The following ENPP2 variants were observed in gnomAD, a reference collection of about 807,000 sequenced individuals.
ENPP2 encodes autotaxin.
In ENPP2, 51 loss-of-function variants were observed where a neutral mutation model predicts 120.2. The ratio of observed to expected loss-of-function variants is 0.42; its 90% CI spans 0.34 to 0.54. The LOEUF (loss-of-function observed/expected upper bound fraction) is 0.54. ENPP2 is among the 20% of genes least tolerant of loss of function. ENPP2 has a pLI of 0.04. For missense variants in ENPP2, 920 were observed against 1,066.5 expected (o/e 0.86, Z 1.91); for synonymous variants, 365 against 366.4 (o/e 1.00, Z 0.04).
chr8:119,567,347 G>C (rs954577360), intron 22 of ENPP2, among the ~76,000 whole-genome samples: 2 of 152,158 alleles, frequency 1.3e-5, no homozygotes, highest in East Asian at 3.9e-4. Flanking sequence ...CAGTGCTTTC[G>C]ACATTGGATA....
At chr8:119,573,540 T>C (rs114983633) in intron 19 of ENPP2, among the ~76,000 whole-genome samples, 313 of 152,210 alleles carry the variant, frequency 2.1e-3, no homozygotes, top group African/African-American at 7.3e-3. Flanking sequence ...TGGCCAGGCA[T>C]AGTGGCTCAC....
chr8:119,651,753 G>A (rs971520709), intron 1 of ENPP2, among the ~76,000 whole-genome samples: 7 of 152,146 alleles, frequency 4.6e-5, no homozygotes, highest in Admixed American at 1.3e-4. Flanking sequence ...AAAGTGACCA[G>A]AACCTTGGGC....
chr8:119,618,602 C>A (rs968226710), intron 5 of ENPP2: 1 of 266,854 alleles, frequency 3.7e-6, no homozygotes, highest in African/African-American at 2.3e-5. Context: ...TCCAGTGGCA[C>A]AATCTGGGCT....
intron 8 of ENPP2, among the ~76,000 whole-genome samples, chr8:119,615,210 G>C (rs1421354673): frequency 3.9e-5 from 6 of 152,180 alleles, no homozygotes; most frequent in African/African-American, 1.4e-4. Context: ...TGCCACGGTT[G>C]AGTGCACAAA....
At chr8:119,591,603 A>G (rs1563705758) in intron 12 of ENPP2, among the ~76,000 whole-genome samples, 1 of 152,160 alleles carries the variant, frequency 6.6e-6, no homozygotes, top group Admixed American at 6.5e-5. Flanking sequence ...TCATATATTT[A>G]TATCCTGTAA....
At chr8:119,621,230 A>T (rs1055075365) in intron 4 of ENPP2, among the ~76,000 whole-genome samples, 164 bp downstream of exon 4, 1 of 152,234 alleles carries the variant, frequency 6.6e-6, no homozygotes, top group African/African-American at 2.4e-5. Context: ...AGTGAAATAC[A>T]GAGTAGCAAA....
At chr8:119,565,177 G>A (rs971086595) in intron 22 of ENPP2, among the ~76,000 whole-genome samples, 2 of 150,882 alleles carry the variant, frequency 1.3e-5, no homozygotes, top group Non-Finnish European at 3.0e-5. Context: ...CAATGGTAGG[G>A]GAGTTTAACG....
intron 4 of ENPP2, 107 bp from the exon 5 acceptor site, chr8:119,619,411 A>G (rs1815722217): frequency 1.7e-6 from 1 of 601,738 alleles, no homozygotes; most frequent in Non-Finnish European, 2.6e-6. Context: ...TCTTTATGGG[A>G]TATAACAAAA....
rs759316715 is a variant in ENPP2, at chr8:119,557,630, C to T, written c.2483G>A (p.Arg828His). 1.8e-5 allele frequency: 29 copies of T among 1,609,730 alleles called. No homozygotes were observed. Among genetic ancestry groups the T allele is most frequent in the East Asian group, 2.2e-5 (1 of 44,842 alleles). The change falls in exon 25 of 25, where the codon CGT becomes CAT. Residue 828 changes from arginine to histidine, a missense_variant. Coordinates refer to ENST00000075322, the MANE Select transcript of ENPP2 (RefSeq NM_001040092.3). ...CAGGCTGGTGAGATGTTCAATGTCA[C>T]GCACCCTAGCTGTGTGCATCTTCAT... The part of the protein sequence containing the change: ...ELMKMHTARV[R>H]DIEHLTSLDF...
At chr8:119,603,126 G>A (rs982294034) in intron 9 of ENPP2, among the ~76,000 whole-genome samples, 1 of 152,034 alleles carries the variant, frequency 6.6e-6, no homozygotes, top group Non-Finnish European at 1.5e-5. Flanking sequence ...GAAATAGGCA[G>A]AGCAAAGCCA....
intron 5 of ENPP2, among the ~76,000 whole-genome samples, chr8:119,618,896 C>T (rs886078684): frequency 6.6e-6 from 1 of 151,916 alleles, no homozygotes; most frequent in Non-Finnish European, 1.5e-5. Context: ...CCCCACTCCC[C>T]GCAAAGTAGG....
At chr8:119,658,844 A>C (rs17804125) in intron 1 of ENPP2, among the ~76,000 whole-genome samples, 48,056 of 152,046 alleles carry the variant, frequency 0.32, 8,057 homozygotes, top group East Asian at 0.55. Context: ...TTGCTTGAAC[A>C]ATTTAACAAA....
chr8:119,575,046 CATA>C (rs1354640537), intron 19 of ENPP2, among the ~76,000 whole-genome samples: 1 of 152,222 alleles, frequency 6.6e-6, no homozygotes, highest in Non-Finnish European at 1.5e-5. Flanking sequence ...ATGCCCATCA[CATA>C]ATATCTACTT....
intron 1 of ENPP2, among the ~76,000 whole-genome samples, chr8:119,670,185 A>C (rs1351681930): frequency 6.6e-6 from 1 of 152,226 alleles, no homozygotes; most frequent in Non-Finnish European, 1.5e-5. Context: ...GGATAGGTGC[A>C]GTAGCAATAG....
intron 20 of ENPP2, among the ~76,000 whole-genome samples, chr8:119,570,278 G>GAA (rs575977847): frequency 5.7e-4 from 44 of 76,822 alleles, no homozygotes; most frequent in Admixed American, 1.1e-3. Flanking sequence ...CAAAACATTA[G>GAA]AAAAAAAAAA....
chr8:119,575,579 T>A (rs917632248), intron 19 of ENPP2, among the ~76,000 whole-genome samples: 1 of 152,202 alleles, frequency 6.6e-6, no homozygotes, highest in African/African-American at 2.4e-5. Context: ...CATTTTCAGA[T>A]GAAAGCACAT....
chr8:119,610,915 A>T (rs186750009), intron 8 of ENPP2, among the ~76,000 whole-genome samples: 1,927 of 152,024 alleles, frequency 0.013, 49 homozygotes, highest in African/African-American at 0.044. Context: ...AAAAAAAAAA[A>T]AAAAATACAA....
intron 1 of ENPP2, among the ~76,000 whole-genome samples, chr8:119,643,977 G>C (rs1817356161): frequency 6.6e-6 from 1 of 152,056 alleles, no homozygotes; most frequent in African/African-American, 2.4e-5. Flanking sequence ...GCACATCCAC[G>C]AGACAAAAAG....
intron 22 of ENPP2, among the ~76,000 whole-genome samples, chr8:119,566,225 A>G (rs1188885068): frequency 6.6e-6 from 1 of 152,246 alleles, no homozygotes; most frequent in Non-Finnish European, 1.5e-5. Context: ...CCAGAGGGGC[A>G]GAATGGAAAT....
Sources: gnomAD v4.1 joint callset for allele counts (sites outside exome capture counted in the v4.1 genomes callset) on GRCh38, gnomAD v4.1.1 for gene constraint, MANE v1.5 for transcripts, NCBI Gene and HGNC (gene_info 2026-07-23, HGNC 2026-07-21) for gene names.